MYCBP2: variants seen among roughly 807,000 people sequenced by gnomAD.
MYCBP2 encodes the protein MYC binding protein 2.
Under a neutral mutation model 525.3 loss-of-function variants are expected in MYCBP2, and 120 were observed. That is an observed-to-expected ratio of 0.23 (90% confidence interval 0.20 to 0.27). The LOEUF (loss-of-function observed/expected upper bound fraction) is 0.27, where lower values mean the gene tolerates loss of function less well. MYCBP2 is among the 10% of genes least tolerant of loss of function. MYCBP2 has a pLI of 1.00. For missense variants in MYCBP2, 4,149 were observed against 5,657.1 expected (o/e 0.73, Z 8.55); for synonymous variants, 1,894 against 1,955.8 (o/e 0.97, Z 0.83).
chr13:77,062,700 GT>G lies in MYCBP2; in HGVS notation c.12673-4del. The stretch of plus-strand genomic sequence containing the variant: ...AGGGATGCGAGAGCAAGCCAGAGCT[GT>G]TGAAAGGGAAGGCTGTTACACCACT... On this transcript the variant is annotated splice_region_variant and splice_polypyrimidine_tract_variant and intron_variant, in intron 73 of 82. Coordinates refer to ENST00000544440, the MANE Select transcript of MYCBP2 (RefSeq NM_015057.5). 2 of 1,613,056 alleles carry G rather than the reference GT, an allele frequency of 1.2e-6. No individual in the cohort carries two copies. The highest frequency in any genetic ancestry group is 2.2e-5 in the South Asian group (2 of 91,016).
chr13:77,176,258 G>T (rs1417617135), intron 36 of MYCBP2, among the ~76,000 whole-genome samples: 1 of 152,116 alleles, frequency 6.6e-6, no homozygotes, highest in African/African-American at 2.4e-5. Flanking sequence ...CCAAAGCTAA[G>T]TCTGTTTGAC....
intron 24 of MYCBP2, 80 bp from the exon 25 acceptor site, chr13:77,205,678 G>C (rs956684034): frequency 8.2e-7 from 1 of 1,213,288 alleles, no homozygotes; most frequent in Admixed American, 2.7e-5. Flanking sequence ...TGCTATAGGG[G>C]ATAAATTAAA....
chr13:77,317,158 G>A (rs2154380010), intron 1 of MYCBP2, among the ~76,000 whole-genome samples: 1 of 152,236 alleles, frequency 6.6e-6, no homozygotes, highest in African/African-American at 2.4e-5. Flanking sequence ...CACCATGTTG[G>A]CTGAGCTGGT....
In MYCBP2 at chr13:77,180,219, T is replaced by A; in HGVS notation, c.5041A>T (p.Asn1681Tyr). ...ACGAGGTGGGAGGAGAAGAGTTCAT[T>A]TTCTCTCCTCAGGCTGTTCCTGACT... ...LPVRNSLRRE[N>Y]ELFSSHLVSN... Residue 1681 changes from asparagine to tyrosine, a missense_variant, in exon 34 of 83, where the codon AAT becomes TAT. By Grantham distance (143) the Asn-to-Tyr change is moderately radical (BLOSUM62 -2). Around this residue, in one of 21 missense-constraint regions of MYCBP2, gnomAD observed 54 missense variants for 117.0 expected, o/e 0.46. Coordinates refer to ENST00000544440, the MANE Select transcript of MYCBP2 (RefSeq NM_015057.5). The A allele has an allele frequency of 6.2e-7, 1 of 1,613,988 alleles. No homozygotes were observed. The highest frequency in any genetic ancestry group is 2.2e-5 in the East Asian group (1 of 44,878).
intron 46 of MYCBP2, 149 bp downstream of exon 46, chr13:77,155,909 T>C (rs2057160172): frequency 2.7e-6 from 2 of 727,346 alleles, no homozygotes; most frequent in African/African-American, 1.8e-5. Flanking sequence ...CTAATTAATA[T>C]AAACAAGTCA....
rs1405050024 is a variant in MYCBP2 at position 77,144,463 on chromosome 13, T to C, written c.7285A>G (p.Ile2429Val). Residue 2429 changes from isoleucine to valine, a missense_variant, in exon 49 of 83, where the codon ATT becomes GTT. This residue lies in a region of MYCBP2 where 692 missense variants were observed against 852.7 expected (regional missense o/e 0.81). Transcript: ENST00000544440. Reference sequence around the variant, plus strand: ...AAAATACCGATTTCAATGCCATCAATGGTAACATGAAGAGTGTAGAGTCCA... The same window carrying C: ...AAAATACCGATTTCAATGCCATCAACGGTAACATGAAGAGTGTAGAGTCCA... ...AIGLYTLHVT[I>V]DGIEIDAGLE... 3 of 1,612,038 alleles carry C rather than the reference T, an allele frequency of 1.9e-6. No individual in the cohort carries two copies. Among genetic ancestry groups the C allele is most frequent in the African/African-American group, 1.3e-5 (1 of 74,850 alleles).
chr13:77,090,826 G>T (rs2045276330), intron 59 of MYCBP2, among the ~76,000 whole-genome samples: 1 of 152,028 alleles, frequency 6.6e-6, no homozygotes, highest in Non-Finnish European at 1.5e-5. Context: ...CTCTATAAAA[G>T]AACTTAATGG....
chr13:77,243,306 A>G, intron 16 of MYCBP2, 146 bp from the exon 17 acceptor site: 1 of 694,686 alleles, frequency 1.4e-6, no homozygotes, highest in East Asian at 2.8e-5. Flanking sequence ...ATTCTTAGCC[A>G]AAAAGGGAAA....
At chr13:77,174,852 T>C (rs2059460025) in intron 36 of MYCBP2, among the ~76,000 whole-genome samples, 1 of 86,288 alleles carries the variant, frequency 1.2e-5, no homozygotes, top group Admixed American at 1.5e-4. Context: ...ACACAACCAA[T>C]GTAACTAGTG....
intron 56 of MYCBP2, 90 bp from the exon 57 acceptor site, chr13:77,096,571 C>T: frequency 3.6e-6 from 5 of 1,380,040 alleles, no homozygotes; most frequent in Non-Finnish European, 4.9e-6. Context: ...ACAGATTTAC[C>T]TTCTCAAAGA....
intron 59 of MYCBP2, 25 bp from the exon 60 acceptor site, chr13:77,090,288 T>C (rs763826661): frequency 6.4e-7 from 1 of 1,569,438 alleles, no homozygotes; most frequent in Non-Finnish European, 8.7e-7. Flanking sequence ...ATGCAACAGA[T>C]ACAAACTCAG....
In MYCBP2 at chr13:77,165,395, A is replaced by G; in HGVS notation, c.6341-4T>C. On this transcript the variant is annotated splice_polypyrimidine_tract_variant and splice_region_variant and intron_variant, in intron 41 of 82. Coordinates refer to ENST00000544440, the MANE Select transcript of MYCBP2 (RefSeq NM_015057.5). ...AATGAAAAAAGGGCCTCATTTCCTA[A>G]TAAAAATGCCAGAATTGAGTTCAAA... 1 of 1,575,944 alleles carries G rather than the reference A, an allele frequency of 6.3e-7. No homozygotes were observed. Among genetic ancestry groups the G allele is most frequent in the Non-Finnish European group, 8.6e-7 (1 of 1,163,630 alleles).
chr13:77,101,773 G>C (rs537833381), intron 55 of MYCBP2, among the ~76,000 whole-genome samples: 2 of 151,810 alleles, frequency 1.3e-5, no homozygotes, highest in African/African-American at 4.8e-5. Flanking sequence ...AAAAAACTAT[G>C]CTTGTTAAGT....
intron 46 of MYCBP2, among the ~76,000 whole-genome samples, chr13:77,153,113 C>T (rs1444675306): frequency 2.0e-5 from 3 of 151,206 alleles, no homozygotes; most frequent in East Asian, 1.9e-4. Flanking sequence ...GCATTCATCG[C>T]GTTTCAAACC....
chr13:77,259,955 C>A (rs1025010150), intron 13 of MYCBP2, among the ~76,000 whole-genome samples: 3 of 152,192 alleles, frequency 2.0e-5, no homozygotes, highest in Non-Finnish European at 4.4e-5. Flanking sequence ...CACCCAGGCA[C>A]TAGAAAATAA....
intron 46 of MYCBP2, among the ~76,000 whole-genome samples, chr13:77,153,671 T>C (rs1219981264): frequency 2.6e-5 from 4 of 152,178 alleles, no homozygotes; most frequent in African/African-American, 9.6e-5. Context: ...TTTTACAAAC[T>C]GTGTTACTTA....
At chr13:77,135,867 C>T (rs2053670858) in intron 52 of MYCBP2, among the ~76,000 whole-genome samples, 1 of 150,238 alleles carries the variant, frequency 6.7e-6, no homozygotes, top group Non-Finnish European at 1.5e-5. Context: ...GACGGAGTCT[C>T]ACTCTGTCAC....
chr13:77,130,846 AAT>A (rs1410027014), intron 52 of MYCBP2, among the ~76,000 whole-genome samples: 1 of 152,152 alleles, frequency 6.6e-6, no homozygotes, highest in Non-Finnish European at 1.5e-5. Flanking sequence ...CATGAAAGGC[AAT>A]TGTTAAAAGT....
At chr13:77,099,367 A>T (rs1045865485) in intron 55 of MYCBP2, 32 of 226,384 alleles carry the variant, frequency 1.4e-4, no homozygotes, top group Non-Finnish European at 2.5e-4. Context: ...TTTGGGGAAT[A>T]AGAAATTATT....
Sources: allele counts gnomAD v4.1 joint callset (sites outside exome capture counted in the v4.1 genomes callset), GRCh38; gene constraint gnomAD v4.1.1; regional missense constraint gnomAD v4.1.1; transcripts MANE v1.5; gene names NCBI Gene and HGNC (gene_info 2026-07-23, HGNC 2026-07-21).